Variants in NAALADL2 observed in about 807,000 individuals in gnomAD.
NAALADL2 encodes the protein inactive N-acetylated-alpha-linked acidic dipeptidase-like protein 2.
In NAALADL2, 76 loss-of-function variants were observed where a neutral mutation model predicts 87.2. The observed-to-expected ratio is 0.87, with a 90% CI of 0.72 to 1.05. The LOEUF (loss-of-function observed/expected upper bound fraction) is 1.05, where lower values mean the gene tolerates loss of function less well. Among genes scored for constraint, NAALADL2 ranks in the 50% least tolerant of loss-of-function variants. The pLI, the probability that NAALADL2 is intolerant of heterozygous loss-of-function variation, is 0.00. For missense variants in NAALADL2, 1,089 were observed against 945.8 expected (o/e 1.15, Z -1.99); for synonymous variants, 354 against 331.0 (o/e 1.07, Z -0.75).
intron 2 of NAALADL2, among the ~76,000 whole-genome samples, chr3:174,654,623 C>G (rs951478444): frequency 2.0e-5 from 3 of 152,226 alleles, no homozygotes; most frequent in Non-Finnish European, 4.4e-5. Flanking sequence ...TTCCCCTGCA[C>G]ACAGGTTGTT....
rs1002709197 is a variant in NAALADL2, at chr3:175,463,306, C to A, written c.1235-95C>A. 4.4e-5 allele frequency: 32 copies of A among 724,366 alleles called. No homozygotes were observed. In the Middle Eastern group the frequency reaches 1.2e-3, roughly 27 times the overall value. 44.9% of individuals were successfully genotyped at this position (724,366 alleles called of 1,614,324 possible). ...TGAGAACATTCAATTCTGTGGAATT[C>A]TTTTGCTGATGATATTGGATAAAAT... On this transcript the variant is annotated intron_variant, in intron 6 of 13. Coordinates refer to ENST00000454872, the MANE Select transcript of NAALADL2 (RefSeq NM_207015.3).
chr3:175,427,545 G>T (rs1581839935), intron 5 of NAALADL2, among the ~76,000 whole-genome samples: 1 of 151,996 alleles, frequency 6.6e-6, no homozygotes, highest in African/African-American at 2.4e-5. Flanking sequence ...ACAACATTTT[G>T]CCAAATTTTC....
At chr3:174,468,698 A>G (rs998451104) in intron 1 of NAALADL2, among the ~76,000 whole-genome samples, 2 of 148,298 alleles carry the variant, frequency 1.3e-5, no homozygotes, top group Non-Finnish European at 3.0e-5. Context: ...ATTTTCATAT[A>G]AGGCTAAAAT....
intron 2 of NAALADL2, among the ~76,000 whole-genome samples, chr3:175,143,657 A>G (rs1333016152): frequency 6.6e-6 from 1 of 151,930 alleles, no homozygotes; most frequent in East Asian, 1.9e-4. Context: ...ATGGGTAAAT[A>G]CACTTTATGG....
chr3:175,173,966 A>T (rs982949026), intron 2 of NAALADL2, among the ~76,000 whole-genome samples: 10 of 151,742 alleles, frequency 6.6e-5, no homozygotes, highest in African/African-American at 2.4e-4. Context: ...TTCAGTTTGA[A>T]TTTTTTTTTT....
chr3:175,781,653 A>T (rs1396122029), intron 13 of NAALADL2, among the ~76,000 whole-genome samples: 3 of 144,966 alleles, frequency 2.1e-5, no homozygotes, highest in African/African-American at 8.3e-5. Context: ...TTTCATTTTT[A>T]GCAAAAAAAA....
intron 1 of NAALADL2, among the ~76,000 whole-genome samples, chr3:174,464,884 C>G (rs1716428370): frequency 6.6e-6 from 1 of 151,922 alleles, no homozygotes; most frequent in Non-Finnish European, 1.5e-5. Context: ...TTTCCTTCCT[C>G]TAATAATTAG....
intron 1 of NAALADL2, among the ~76,000 whole-genome samples, chr3:174,451,936 G>A (rs559369483): frequency 3.5e-5 from 5 of 144,298 alleles, no homozygotes; most frequent in South Asian, 4.5e-4. Context: ...TCCGCCTCTC[G>A]GGTTCAAGAG....
At chr3:175,162,587 A>G (rs535598970) in intron 2 of NAALADL2, among the ~76,000 whole-genome samples, 1 of 152,238 alleles carries the variant, frequency 6.6e-6, no homozygotes, top group African/African-American at 2.4e-5. Flanking sequence ...ATGTAAGATG[A>G]GCCTAAAGTT....
chr3:174,894,594 C>CAAAAAAAAAAAAAAAAAA (rs869161862), intron 1 of NAALADL2, among the ~76,000 whole-genome samples: 7 of 48,474 alleles, frequency 1.4e-4, no homozygotes, highest in Non-Finnish European at 2.1e-4. Context: ...AACTCCGTCT[C>CAAAAAAAAAAAAAAAAAA]AAAAAAAAAA....
intron 5 of NAALADL2, among the ~76,000 whole-genome samples, chr3:175,330,888 A>C (rs1424212999): frequency 6.6e-6 from 1 of 152,158 alleles, no homozygotes; most frequent in Non-Finnish European, 1.5e-5. Context: ...AAAAGATAAA[A>C]TAGATAAACC....
intron 2 of NAALADL2, among the ~76,000 whole-genome samples, chr3:175,110,715 C>T (rs1724043581): frequency 6.6e-6 from 1 of 151,720 alleles, no homozygotes. Context: ...ACTGATATTA[C>T]TACAATAACC....
At chr3:174,972,253 T>A (rs1401958678) in intron 1 of NAALADL2, among the ~76,000 whole-genome samples, 4 of 152,224 alleles carry the variant, frequency 2.6e-5, no homozygotes, top group African/African-American at 9.7e-5. Flanking sequence ...TTATTGTCTT[T>A]CAGTTTGTTA....
At chr3:174,464,429 T>G (rs1245535008) in intron 1 of NAALADL2, among the ~76,000 whole-genome samples, 1 of 151,512 alleles carries the variant, frequency 6.6e-6, no homozygotes, top group Non-Finnish European at 1.5e-5. Context: ...TAGTAACTTC[T>G]GGGGGGTCGG....
intron 1 of NAALADL2, among the ~76,000 whole-genome samples, chr3:175,027,983 T>C (rs549914165): frequency 6.6e-6 from 1 of 152,118 alleles, no homozygotes; most frequent in Non-Finnish European, 1.5e-5. Flanking sequence ...GAAAAGGCAA[T>C]GCGAGTCAAT....
intron 11 of NAALADL2, among the ~76,000 whole-genome samples, chr3:175,642,741 C>G (rs1236505223): frequency 6.6e-6 from 1 of 152,206 alleles, no homozygotes; most frequent in East Asian, 1.9e-4. Context: ...ACCTCGTGAT[C>G]CTCCCGCCTC....
At chr3:175,040,042 C>T (rs760354080) in intron 1 of NAALADL2, among the ~76,000 whole-genome samples, 4 of 152,158 alleles carry the variant, frequency 2.6e-5, no homozygotes, top group Non-Finnish European at 4.4e-5. Context: ...TGCACACACA[C>T]GCATACACTC....
At position 175,698,491 on chromosome 3, in the gene NAALADL2, A is replaced by G. The variant is rs190452154; in HGVS notation, c.1897-38815A>G. ...TATGTGTGTATATATATTTATATAT[A>G]TATATATATATAAAATCTCCAAGCA... On this transcript the variant is annotated intron_variant, in intron 11 of 13. Coordinates refer to ENST00000454872, the MANE Select transcript of NAALADL2 (RefSeq NM_207015.3). Among the ~76,000 whole-genome samples the G allele has an allele frequency of 2.1e-3, 287 of 138,878 alleles. 55 individuals are homozygous for G. Among genetic ancestry groups the G allele is most frequent in the African/African-American group, 7.6e-3 (271 of 35,830 alleles). 91.1% of individuals were successfully genotyped at this position (138,878 alleles called of 152,430 possible). A position where few individuals can be genotyped will look rare whatever the true frequency, so the allele number is the denominator to read the frequency against.
At chr3:175,425,539 A>T (rs904485575) in intron 5 of NAALADL2, among the ~76,000 whole-genome samples, 15 of 152,170 alleles carry the variant, frequency 9.9e-5, no homozygotes, top group African/African-American at 3.6e-4. Flanking sequence ...TATTTTTTTT[A>T]ATACTATAGC....
Sources: gnomAD v4.1 joint callset for allele counts (sites outside exome capture counted in the v4.1 genomes callset) on GRCh38, gnomAD v4.1.1 for gene constraint, MANE v1.5 for transcripts, NCBI Gene and HGNC (gene_info 2026-07-23, HGNC 2026-07-21) for gene names.